The following UMAD1 variants were observed in gnomAD, a reference collection of about 807,000 sequenced individuals.
The protein encoded by UMAD1 is UBAP1-MVB12-associated (UMA) domain containing 1, also known as UBAP1-MVB12-associated (UMA)-domain containing protein 1.
Under a neutral mutation model 6.1 loss-of-function variants are expected in UMAD1, and 8 were observed. The ratio of observed to expected loss-of-function variants is 1.30; its 90% CI spans 0.76 to 2.35. The LOEUF is 2.35. Among genes scored for constraint, UMAD1 ranks in the 30% most tolerant of loss-of-function variants. The probability of loss-of-function intolerance (pLI) is 0.00; values close to 1 mark genes in which losing one functional copy is unlikely to be tolerated. For synonymous variants in UMAD1, 56 were observed against 31.4 expected, an observed-to-expected ratio of 1.78 and a Z score of -2.61; for missense variants, 130 against 78.4, an observed-to-expected ratio of 1.66 and a Z score of -2.49.
intron 2 of UMAD1, among the ~76,000 whole-genome samples, chr7:7,764,598 C>G (rs184544107): frequency 2.0e-4 from 30 of 152,270 alleles, no homozygotes; most frequent in Non-Finnish European, 2.9e-4. Context: ...AGCTGGATCA[C>G]TTGAGGTAAG....
In UMAD1 at chr7:7,747,904, GA is replaced by G. The variant is rs1310836044; in HGVS notation, c.83-53765del. On this transcript the variant is annotated intron_variant, in intron 2 of 3. Coordinates refer to ENST00000682710, the MANE Select transcript of UMAD1 (RefSeq NM_001302348.2). ...AATTATTAGATGATGTGCCATTTCT[GA>G]GCCAAAAAAGTAGGAAAACAATGCA... Among the ~76,000 whole-genome samples, 48 of 152,114 alleles carry G rather than the reference GA, an allele frequency of 3.2e-4. 1 individual carries two copies. The highest frequency in any genetic ancestry group is 5.9e-5 in the Non-Finnish European group (4 of 68,010).
At chr7:7,725,826 A>G (rs1165699508) in intron 2 of UMAD1, among the ~76,000 whole-genome samples, 2 of 152,170 alleles carry the variant, frequency 1.3e-5, no homozygotes, top group Non-Finnish European at 2.9e-5. Context: ...GGAGTTCCCT[A>G]TGATCAGTTG....
chr7:7,828,830 C>T (rs533060760), intron 3 of UMAD1, among the ~76,000 whole-genome samples: 4 of 152,210 alleles, frequency 2.6e-5, no homozygotes, highest in African/African-American at 9.6e-5. Context: ...GAGGGAATTA[C>T]GACAAGAAAA....
intron 2 of UMAD1, among the ~76,000 whole-genome samples, chr7:7,686,913 C>G (rs1166189925): frequency 1.3e-5 from 2 of 152,148 alleles, no homozygotes; most frequent in African/African-American, 4.8e-5. Flanking sequence ...TTCCCTTATC[C>G]TGGAATGTGG....
intron 3 of UMAD1, among the ~76,000 whole-genome samples, chr7:7,813,501 G>A (rs1268877598): frequency 6.6e-6 from 1 of 152,100 alleles, no homozygotes; most frequent in African/African-American, 2.4e-5. Flanking sequence ...ACTGCGCCCA[G>A]CCCCTTTTTC....
chr7:7,875,264 A>C (rs558763451), intron 3 of UMAD1, among the ~76,000 whole-genome samples: 1 of 152,230 alleles, frequency 6.6e-6, no homozygotes, highest in Non-Finnish European at 1.5e-5. Flanking sequence ...GACATCTAAC[A>C]TAACAATTAA....
intron 2 of UMAD1, chr7:7,742,556 G>A (rs989004145): frequency 2.3e-5 from 12 of 519,544 alleles, no homozygotes; most frequent in Middle Eastern, 3.2e-4. Context: ...TTCGCTTTCG[G>A]CGCCATCTTG....
rs150411259 is a variant in UMAD1 at position 7,835,462 on chromosome 7, C to CTTTTTTTTTTTTTTTTTTTTTT, written c.156+33736_156+33757dup. Among the ~76,000 whole-genome samples the CTTTTTTTTTTTTTTTTTTTTTT allele has an allele frequency of 1.2e-4, 4 of 33,654 alleles. 2 individuals carry two copies. Among genetic ancestry groups the CTTTTTTTTTTTTTTTTTTTTTT allele is most frequent in the Non-Finnish European group, 2.3e-4 (4 of 17,668 alleles). The allele number at this position is 33,654 out of a possible 152,430, so 22.1% of individuals were successfully genotyped here. On this transcript the variant is annotated intron_variant, in intron 3 of 3. Transcript: ENST00000682710. ...CATTCATTCACTCATTGAAACAGCA[C>CTTTTTTTTTTTTTTTTTTTTTT]TTTTTTTTTTTTTTTTTTTTTTTTT...
At chr7:7,671,870 C>G (rs972202879) in intron 1 of UMAD1, among the ~76,000 whole-genome samples, 5 of 152,106 alleles carry the variant, frequency 3.3e-5, no homozygotes, top group African/African-American at 7.2e-5. Flanking sequence ...AGAAGCTGTT[C>G]CTTTTTTCTA....
chr7:7,687,732 T>C lies in UMAD1; in HGVS notation c.82+14279T>C, dbSNP rs138079668. ...CCATCAAAAATGATATGTACTTTTATGACTATACATACACACACATATTTT... is the reference window on the plus strand; with the variant it reads ...CCATCAAAAATGATATGTACTTTTACGACTATACATACACACACATATTTT... On this transcript the variant is annotated intron_variant, in intron 2 of 3. Coordinates refer to ENST00000682710, the MANE Select transcript of UMAD1 (RefSeq NM_001302348.2). 1.4e-3 allele frequency among the ~76,000 whole-genome samples: 210 copies of C among 152,350 alleles called. 1 individual carries two copies. The highest frequency in any genetic ancestry group is 4.6e-3 in the African/African-American group (192 of 41,582).
intron 2 of UMAD1, among the ~76,000 whole-genome samples, chr7:7,754,591 C>T (rs6959527): frequency 3.3e-5 from 5 of 152,242 alleles, no homozygotes; most frequent in African/African-American, 9.6e-5. Context: ...TGTGCACTAA[C>T]CAGCCACATG....
At chr7:7,834,874 T>C (rs1311441307) in intron 3 of UMAD1, among the ~76,000 whole-genome samples, 1 of 152,136 alleles carries the variant, frequency 6.6e-6, no homozygotes, top group African/African-American at 2.4e-5. Flanking sequence ...CCAATTATTT[T>C]TCAGGACACT....
chr7:7,699,920 C>A (rs1422657946), intron 2 of UMAD1, among the ~76,000 whole-genome samples: 1 of 152,048 alleles, frequency 6.6e-6, no homozygotes, highest in Non-Finnish European at 1.5e-5. Context: ...TAGATTATAG[C>A]CAGAAAACTA....
chr7:7,840,682 A>G (rs1283970996), intron 3 of UMAD1, among the ~76,000 whole-genome samples: 1 of 152,124 alleles, frequency 6.6e-6, no homozygotes, highest in Non-Finnish European at 1.5e-5. Flanking sequence ...TATTGTCATC[A>G]TCATTATTAT....
chr7:7,759,801 G>C (rs545106364), intron 2 of UMAD1, among the ~76,000 whole-genome samples: 15 of 152,146 alleles, frequency 9.9e-5, no homozygotes, highest in Non-Finnish European at 2.1e-4. Flanking sequence ...AGGGGAAAAA[G>C]TATAAGACCA....
rs1784473514 is a variant in UMAD1, at chr7:7,878,791, G to A, written c.*1253G>A. The stretch of plus-strand genomic sequence containing the variant: ...CATGTTTGTTTAATAAATGTGGCAT[G>A]GTTTTAATACAAATGCTATGTTATT... On this transcript the variant is annotated 3_prime_UTR_variant, in exon 4 of 4. Transcript: ENST00000682710. 6.6e-6 allele frequency: 1 copy of A among 152,100 alleles called. No individual in the cohort carries two copies. The highest frequency in any genetic ancestry group is 2.1e-4 in the South Asian group (1 of 4,828). 9.4% of individuals were successfully genotyped at this position (152,100 alleles called of 1,614,324 possible).
intron 2 of UMAD1, among the ~76,000 whole-genome samples, chr7:7,684,880 C>T (rs532582216): frequency 1.3e-5 from 2 of 152,210 alleles, no homozygotes; most frequent in East Asian, 1.9e-4. Flanking sequence ...GTACTATTTC[C>T]TTGAAGGGTG....
At chr7:7,644,674 G>A (rs546473766) in intron 1 of UMAD1, among the ~76,000 whole-genome samples, 1 of 152,210 alleles carries the variant, frequency 6.6e-6, no homozygotes, top group East Asian at 1.9e-4. Flanking sequence ...TTACAGATAT[G>A]TGTGGAGTCA....
intron 2 of UMAD1, among the ~76,000 whole-genome samples, chr7:7,765,736 A>G (rs1217708491): frequency 6.6e-6 from 1 of 152,164 alleles, no homozygotes; most frequent in African/African-American, 2.4e-5. Flanking sequence ...ATATTTATTG[A>G]GCTTCAAACT....
Sources: allele counts gnomAD v4.1 joint callset (sites outside exome capture counted in the v4.1 genomes callset), GRCh38; gene constraint gnomAD v4.1.1; transcripts MANE v1.5; gene names NCBI Gene and HGNC (gene_info 2026-07-23, HGNC 2026-07-21).